PMM2: variants seen among roughly 807,000 people sequenced by gnomAD.
PMM2 encodes the protein phosphomannomutase 2, also known as mannose-6-phosphate isomerase.
PMM2 carries 35 observed loss-of-function variants against 33.2 expected under a neutral mutation model. The ratio of observed to expected loss-of-function variants is 1.06; its 90% CI spans 0.81 to 1.40. The LOEUF is 1.40. PMM2 is among the 40% of genes most tolerant of loss of function. PMM2 has a pLI of 0.00. For synonymous variants in PMM2, 153 were observed against 114.7 expected (o/e 1.33, Z -2.13); for missense variants, 386 against 306.0 (o/e 1.26, Z -1.95).
At chr16:8,840,028 G>T (rs1596504683) in intron 7 of PMM2, among the ~76,000 whole-genome samples, 1 of 152,014 alleles carries the variant, frequency 6.6e-6, no homozygotes, top group Admixed American at 6.6e-5. Context: ...AAGTTCGGAG[G>T]TGTAGGGAGA....
At chr16:8,847,503 T>C in intron 7 of PMM2, 1 of 562,124 alleles carries the variant, frequency 1.8e-6, no homozygotes, top group Non-Finnish European at 3.2e-6. Flanking sequence ...CATAATTACG[T>C]GTTCCAAGCC....
At chr16:8,798,371 G>C (rs545717076) in intron 1 of PMM2, among the ~76,000 whole-genome samples, 2 of 152,268 alleles carry the variant, frequency 1.3e-5, no homozygotes, top group South Asian at 4.1e-4. Context: ...ACCTAGTGGA[G>C]TCTCATCTTC....
At chr16:8,799,120 T>C (rs1409426590) in intron 1 of PMM2, among the ~76,000 whole-genome samples, 2 of 152,178 alleles carry the variant, frequency 1.3e-5, no homozygotes, top group African/African-American at 2.4e-5. Flanking sequence ...GACTATGTGG[T>C]CTATAGTAAC....
At chr16:8,822,951 G>A (rs2060746186) in intron 7 of PMM2, among the ~76,000 whole-genome samples, 1 of 152,184 alleles carries the variant, frequency 6.6e-6, no homozygotes, top group South Asian at 2.1e-4. Context: ...GAGGGACCCA[G>A]GTAAATAGCT....
At chr16:8,818,936 C>G (rs1167106635) in intron 7 of PMM2, among the ~76,000 whole-genome samples, 1 of 151,140 alleles carries the variant, frequency 6.6e-6, no homozygotes, top group Non-Finnish European at 1.5e-5. Context: ...TTTCCAGAAA[C>G]CACCCTGGCT....
At position 8,813,060 on chromosome 16, in the gene PMM2, A is replaced by C. The variant is rs773420873; in HGVS notation, c.593A>C (p.Asn198Thr). Residue 198 changes from asparagine (N) to threonine (T), a missense_variant, in exon 7 of 8, where the codon AAT becomes ACT. Coordinates refer to ENST00000268261, the MANE Select transcript of PMM2 (RefSeq NM_000303.3). ...DKRYCLRHVENDGYKTIYFFG... is the reference protein window; with the variant it reads ...DKRYCLRHVETDGYKTIYFFG... ...AGATACTGTCTGCGACATGTGGAAA[A>C]TGACGGTTATAAGACCATTTATTTC... The C allele has an allele frequency of 2.5e-6, 4 of 1,613,122 alleles. No homozygotes were observed. The highest frequency in any genetic ancestry group is 2.5e-6 in the Non-Finnish European group (3 of 1,179,114).
chr16:8,810,376 C>G (rs1356288190), intron 4 of PMM2: 1 of 152,234 alleles, frequency 6.6e-6, no homozygotes, highest in African/African-American at 2.4e-5. Flanking sequence ...ACTGCTGTTG[C>G]CAGTGCTGGA....
At chr16:8,845,645 C>T (rs1031856232) in intron 7 of PMM2, among the ~76,000 whole-genome samples, 1 of 151,750 alleles carries the variant, frequency 6.6e-6, no homozygotes, top group Admixed American at 6.6e-5. Context: ...GTGGTCTGTT[C>T]TTGGCTCACT....
chr16:8,812,531 T>G (rs2060683296), intron 6 of PMM2, among the ~76,000 whole-genome samples: 1 of 152,188 alleles, frequency 6.6e-6, no homozygotes. Flanking sequence ...TTGAAAGGGT[T>G]TTTGTTGCCC....
chr16:8,841,690 T>G, intron 7 of PMM2, among the ~76,000 whole-genome samples: 1 of 133,842 alleles, frequency 7.5e-6, no homozygotes. Context: ...AAATCAAGCG[T>G]GATCAGGGTG....
At chr16:8,828,234 T>C (rs2060789821) in intron 7 of PMM2, among the ~76,000 whole-genome samples, 1 of 151,774 alleles carries the variant, frequency 6.6e-6, no homozygotes, top group South Asian at 2.1e-4. Context: ...TTTTTTCTTT[T>C]ACAAGATTTA....
chr16:8,830,312 C>T (rs1178115303), intron 7 of PMM2, among the ~76,000 whole-genome samples: 1 of 151,000 alleles, frequency 6.6e-6, no homozygotes, highest in East Asian at 1.9e-4. Flanking sequence ...TTCTCCTTGC[C>T]CACAGCCTAG....
At chr16:8,832,760 A>T (rs1251691854) in intron 7 of PMM2, 1 of 984,668 alleles carries the variant, frequency 1.0e-6, no homozygotes, top group Non-Finnish European at 1.2e-6. Flanking sequence ...GTGAAATCCC[A>T]GGTGCTTACC....
chr16:8,823,036 G>A (rs2141030777), intron 7 of PMM2, among the ~76,000 whole-genome samples: 1 of 152,264 alleles, frequency 6.6e-6, no homozygotes, highest in East Asian at 1.9e-4. Flanking sequence ...ACAGATTGGG[G>A]TAGACAGGAA....
chr16:8,844,639 G>A (rs527980696), intron 7 of PMM2, among the ~76,000 whole-genome samples: 14 of 152,244 alleles, frequency 9.2e-5, no homozygotes, highest in Non-Finnish European at 1.2e-4. Flanking sequence ...CCTCTGAAAC[G>A]TGGGTGAATG....
intron 7 of PMM2, among the ~76,000 whole-genome samples, chr16:8,839,919 C>T (rs1439989109): frequency 1.4e-5 from 2 of 142,754 alleles, no homozygotes; most frequent in Admixed American, 7.0e-5. Flanking sequence ...TGAAGGAGGG[C>T]GGCAGCTTGC....
chr16:8,801,431 G>C (rs2060615707), intron 1 of PMM2, among the ~76,000 whole-genome samples: 1 of 152,290 alleles, frequency 6.6e-6, no homozygotes, highest in African/African-American at 2.4e-5. Flanking sequence ...AGCACTTTGG[G>C]AGGCCAAGGC....
chr16:8,840,206 T>C (rs927012331), intron 7 of PMM2, among the ~76,000 whole-genome samples: 3 of 151,416 alleles, frequency 2.0e-5, no homozygotes, highest in Middle Eastern at 3.2e-3. Flanking sequence ...AGGTAGAGGG[T>C]GGCATAAGAA....
chr16:8,846,085 C>T (rs1057308722), intron 7 of PMM2, among the ~76,000 whole-genome samples: 2 of 152,184 alleles, frequency 1.3e-5, no homozygotes, highest in African/African-American at 4.8e-5. Context: ...TGACAGGTTC[C>T]CAAGTGGCTG....
Sources: gnomAD v4.1 joint callset for allele counts (sites outside exome capture counted in the v4.1 genomes callset) on GRCh38, gnomAD v4.1.1 for gene constraint, MANE v1.5 for transcripts, NCBI Gene and HGNC (gene_info 2026-07-23, HGNC 2026-07-21) for gene names.